Variants in UNC5D observed in about 807,000 individuals in gnomAD.
The protein encoded by UNC5D is netrin receptor UNC5D.
In UNC5D, 39 loss-of-function variants were observed where a neutral mutation model predicts 105.4. The observed-to-expected ratio is 0.37, with a 90% CI of 0.29 to 0.48. The LOEUF is 0.48. Among genes scored for constraint, UNC5D ranks in the 20% least tolerant of loss-of-function variants. UNC5D has a pLI of 0.98. For synonymous variants in UNC5D, 452 were observed against 450.4 expected, an observed-to-expected ratio of 1.00 and a Z score of -0.04; for missense variants, 991 against 1,202.4, an observed-to-expected ratio of 0.82 and a Z score of 2.60.
At chr8:35,432,485 C>A (rs535125490) in intron 1 of UNC5D, among the ~76,000 whole-genome samples, 41 of 152,304 alleles carry the variant, frequency 2.7e-4, no homozygotes, top group Middle Eastern at 3.4e-3. Context: ...ACATCCACTT[C>A]ACTCTTATCA....
intron 1 of UNC5D, among the ~76,000 whole-genome samples, chr8:35,470,036 T>C (rs572070539): frequency 3.3e-5 from 5 of 152,198 alleles, no homozygotes; most frequent in Non-Finnish European, 7.3e-5. Context: ...CTGGTCTCAA[T>C]ACATACTTTT....
At chr8:35,362,239 C>T (rs1451259512) in intron 1 of UNC5D, among the ~76,000 whole-genome samples, 1 of 152,142 alleles carries the variant, frequency 6.6e-6, no homozygotes, top group Non-Finnish European at 1.5e-5. Flanking sequence ...TCCTCTGCAG[C>T]CCTTGCCTGT....
chr8:35,634,000 T>G (rs1160836135), intron 4 of UNC5D, among the ~76,000 whole-genome samples: 1 of 152,210 alleles, frequency 6.6e-6, no homozygotes, highest in Non-Finnish European at 1.5e-5. Flanking sequence ...CTATTAGAAT[T>G]TACAGAGAAC....
At chr8:35,425,200 A>G (rs1806163626) in intron 1 of UNC5D, among the ~76,000 whole-genome samples, 1 of 152,224 alleles carries the variant, frequency 6.6e-6, no homozygotes, top group African/African-American at 2.4e-5. Flanking sequence ...ATAAAAAGAA[A>G]AAAGAAATTG....
At chr8:35,751,639 T>G (rs1026335940) in intron 13 of UNC5D, among the ~76,000 whole-genome samples, 7 of 152,200 alleles carry the variant, frequency 4.6e-5, no homozygotes, top group Non-Finnish European at 7.3e-5. Context: ...AATTTTCCAA[T>G]GGCAGTTTCA....
In UNC5D at chr8:35,779,032, A is replaced by G. The variant is rs1417534962; in HGVS notation, c.2657+4555A>G. ...CACAGCCTAGCAAAGAATGTCATAGATAACAGTTGTAGTTATAGATTCTGT... is the reference window on the plus strand; with the variant it reads ...CACAGCCTAGCAAAGAATGTCATAGGTAACAGTTGTAGTTATAGATTCTGT... On this transcript the variant is annotated intron_variant, in intron 16 of 16. Coordinates refer to ENST00000404895, the MANE Select transcript of UNC5D (RefSeq NM_080872.4). Among the ~76,000 whole-genome samples, 4 of 152,214 alleles carry G rather than the reference A, an allele frequency of 2.6e-5. No homozygotes were observed. The East Asian group carries it at 5.8e-4, about 22-fold the overall frequency.
chr8:35,403,996 G>A (rs1804640055), intron 1 of UNC5D, among the ~76,000 whole-genome samples: 1 of 152,152 alleles, frequency 6.6e-6, no homozygotes, highest in African/African-American at 2.4e-5. Flanking sequence ...CAGTGTGGGT[G>A]TTGATGCGTA....
intron 1 of UNC5D, among the ~76,000 whole-genome samples, chr8:35,270,925 GTATA>G (rs35226462): frequency 1.3e-5 from 2 of 150,840 alleles, no homozygotes. Flanking sequence ...TGCCCCTATG[GTATA>G]TATATATATA....
chr8:35,690,580 T>C (rs905833345), intron 7 of UNC5D, among the ~76,000 whole-genome samples: 5 of 152,170 alleles, frequency 3.3e-5, no homozygotes, highest in African/African-American at 1.2e-4. Context: ...GATCGTGCTA[T>C]TGCAGCCCAG....
chr8:35,273,387 C>T (rs1805557560), intron 1 of UNC5D, among the ~76,000 whole-genome samples: 1 of 152,150 alleles, frequency 6.6e-6, no homozygotes, highest in African/African-American at 2.4e-5. Context: ...AAGATGGAGT[C>T]AGTAGGCGTA....
intron 1 of UNC5D, among the ~76,000 whole-genome samples, chr8:35,251,432 T>G (rs1803687566): frequency 6.6e-6 from 1 of 152,154 alleles, no homozygotes; most frequent in South Asian, 2.1e-4. Context: ...GTGGGGATTA[T>G]GGGAACTACA....
At position 35,753,066 on chromosome 8, in the gene UNC5D, T is replaced by G. The variant is rs535465019; in HGVS notation, c.2163+2257T>G. ...TCTCAGTGACTTTCAGATCATCTAT[T>G]TTCACCTCTACCATATTCTACCATG... On this transcript the variant is annotated intron_variant, in intron 13 of 16. Coordinates refer to ENST00000404895, the MANE Select transcript of UNC5D (RefSeq NM_080872.4). Among the ~76,000 whole-genome samples, 11 of 152,276 alleles carry G rather than the reference T, an allele frequency of 7.2e-5. No homozygotes were observed. In the South Asian group the frequency reaches 2.3e-3, roughly 32 times the overall value.
At chr8:35,655,314 GC>G (rs2131201092) in intron 4 of UNC5D, among the ~76,000 whole-genome samples, 1 of 152,216 alleles carries the variant, frequency 6.6e-6, no homozygotes, top group South Asian at 2.1e-4. Context: ...AAGTCTCCTA[GC>G]TATATAACAA....
chr8:35,302,062 T>C (rs1808000652), intron 1 of UNC5D, among the ~76,000 whole-genome samples: 2 of 152,122 alleles, frequency 1.3e-5, no homozygotes, highest in Non-Finnish European at 2.9e-5. Flanking sequence ...TTATGCCTGA[T>C]AAAATGGGAT....
intron 3 of UNC5D, among the ~76,000 whole-genome samples, chr8:35,593,451 TAACA>T (rs906196404): frequency 6.6e-5 from 10 of 151,590 alleles, no homozygotes; most frequent in African/African-American, 2.2e-4. Context: ...AAAACAAAAA[TAACA>T]AACAAACCAA....
chr8:35,456,399 A>G (rs1056847425), intron 1 of UNC5D, among the ~76,000 whole-genome samples: 1 of 152,188 alleles, frequency 6.6e-6, no homozygotes, highest in Non-Finnish European at 1.5e-5. Context: ...CTGCTGATTA[A>G]GGTACCACAC....
chr8:35,795,054 T>C lies in UNC5D; in HGVS notation c.*4491T>C, dbSNP rs1245571926. 1 of 152,160 alleles carries C rather than the reference T, an allele frequency of 6.6e-6. No individual in the cohort carries two copies. The highest frequency in any genetic ancestry group is 1.5e-5 in the Non-Finnish European group (1 of 68,038). The allele number at this position is 152,160 out of a possible 1,614,324, so 9.4% of individuals were successfully genotyped here. On this transcript the variant is annotated 3_prime_UTR_variant, in exon 17 of 17. Coordinates refer to ENST00000404895, the MANE Select transcript of UNC5D (RefSeq NM_080872.4). ...GTGAGGTGGACCTAAGGCAGTAACATTTAAACTTCATGTCCTAGCACCCGC... is the reference window on the plus strand; with the variant it reads ...GTGAGGTGGACCTAAGGCAGTAACACTTAAACTTCATGTCCTAGCACCCGC...
In UNC5D at chr8:35,766,887, C is replaced by A; in HGVS notation, c.2314-15C>A. ...AGGCTCTGCACACCATCCCTTCTCT[C>A]CGTCTCCCCTGCAGGAAGTCCCGTT... On this transcript the variant is annotated splice_polypyrimidine_tract_variant and intron_variant, in intron 14 of 16. Transcript: ENST00000404895. 6.2e-7 allele frequency: 1 copy of A among 1,605,662 alleles called. No individual in the cohort carries two copies. Among genetic ancestry groups the A allele is most frequent in the Non-Finnish European group, 8.5e-7 (1 of 1,175,112 alleles).
chr8:35,322,682 G>C (rs919404315), intron 1 of UNC5D, among the ~76,000 whole-genome samples: 1 of 152,162 alleles, frequency 6.6e-6, no homozygotes, highest in African/African-American at 2.4e-5. Context: ...TGTTGTGTCT[G>C]CCTCTTTAAA....
Sources: allele counts gnomAD v4.1 joint callset (sites outside exome capture counted in the v4.1 genomes callset), GRCh38; gene constraint gnomAD v4.1.1; transcripts MANE v1.5; gene names NCBI Gene and HGNC (gene_info 2026-07-23, HGNC 2026-07-21).